Variants in ZBTB38 observed in about 807,000 individuals in gnomAD.
ZBTB38 encodes zinc finger and BTB domain containing 38, also known as zinc finger and BTB domain-containing protein 38.
In ZBTB38, 20 loss-of-function variants were observed where a neutral mutation model predicts 76.8. The ratio of observed to expected loss-of-function variants is 0.26; its 90% CI spans 0.18 to 0.38. ZBTB38 has a LOEUF of 0.38. Among genes scored for constraint, ZBTB38 ranks in the 10% least tolerant of loss-of-function variants. The probability of loss-of-function intolerance (pLI) is 1.00; values close to 1 mark genes in which losing one functional copy is unlikely to be tolerated. For missense variants in ZBTB38, 1,082 were observed against 1,482.3 expected, an observed-to-expected ratio of 0.73 and a Z score of 4.43; for synonymous variants, 504 against 544.2, an observed-to-expected ratio of 0.93 and a Z score of 1.03.
rs751006397 is a variant in ZBTB38 at position 141,444,616 on chromosome 3, C to T, written c.2228C>T (p.Ala743Val). ...GCCATGACCAGCAGCAACCACAGAGCCTTTTCAGACCCAGCTGTCAGTCAG... is the reference window on the plus strand; with the variant it reads ...GCCATGACCAGCAGCAACCACAGAGTCTTTTCAGACCCAGCTGTCAGTCAG... ...IAAMTSSNHR[A>V]FSDPAVSQSL... The change falls in exon 6 of 6, where the codon GCC becomes GTC. Residue 743 changes from alanine (A) to valine (V), a missense_variant. Ala to Val is a moderately conservative substitution (Grantham distance 64). Coordinates refer to ENST00000321464, the MANE Select transcript of ZBTB38 (RefSeq NM_001376113.1). The surrounding 1 kb of genome is among the most constrained non-coding windows in gnomAD (Gnocchi z 5.1). 1.3e-5 allele frequency: 21 copies of T among 1,614,034 alleles called. No individual in the cohort carries two copies. The highest frequency in any genetic ancestry group is 1.6e-5 in the Non-Finnish European group (19 of 1,180,026).
At chr3:141,378,416 T>C (rs142895604) in intron 2 of ZBTB38, among the ~76,000 whole-genome samples, 1 of 152,322 alleles carries the variant, frequency 6.6e-6, no homozygotes, top group African/African-American at 2.4e-5. Flanking sequence ...CATAAGACTG[T>C]ATCTGCGTTT....
chr3:141,379,069 G>T (rs141062871), intron 2 of ZBTB38, among the ~76,000 whole-genome samples: 1 of 152,162 alleles, frequency 6.6e-6, no homozygotes, highest in Non-Finnish European at 1.5e-5. Context: ...TTTTAACAGC[G>T]CTGCTGTCTC....
chr3:141,386,796 A>G (rs978369627), intron 3 of ZBTB38, 76 bp from the exon 4 acceptor site: 4 of 152,626 alleles, frequency 2.6e-5, no homozygotes, highest in Admixed American at 2.6e-4. Flanking sequence ...TTTGGAGTTT[A>G]CTAAACAGTG....
chr3:141,420,053 TTC>T (rs1297298007), intron 5 of ZBTB38, among the ~76,000 whole-genome samples: 3 of 152,134 alleles, frequency 2.0e-5, no homozygotes, highest in African/African-American at 4.8e-5. Context: ...TTTGTCTTTG[TTC>T]TGTGTTTGGG....
chr3:141,364,607 G>T (rs1391704253), upstream of ZBTB38, among the ~76,000 whole-genome samples: 4 of 147,492 alleles, frequency 2.7e-5, no homozygotes, highest in Admixed American at 2.0e-4. Flanking sequence ...AACCCGGGAG[G>T]TGGAAGTTGT....
At chr3:141,416,492 C>G (rs1577230679) in intron 5 of ZBTB38, among the ~76,000 whole-genome samples, 1 of 152,172 alleles carries the variant, frequency 6.6e-6, no homozygotes, top group African/African-American at 2.4e-5. Context: ...CTCTCTTCTT[C>G]CTCTTCCTAC....
chr3:141,444,285 T>C lies in ZBTB38; in HGVS notation c.1897T>C (p.Leu633=), dbSNP rs536665571. The change falls in exon 6 of 6, where the codon TTG becomes CTG. Residue 633 remains leucine, a synonymous_variant. Transcript: ENST00000321464. This position sits in a 1 kb window ranked among gnomAD's most constrained non-coding sequence, Gnocchi z 5.1. ...CCTGACCAACAGTCCAGCCATCCCATTGGAAACATCTGCATGTCAGGACAT... is the reference window on the plus strand; with the variant it reads ...CCTGACCAACAGTCCAGCCATCCCACTGGAAACATCTGCATGTCAGGACAT... The part of the protein sequence containing the change: ...NTLTNSPAIP[L]ETSACQDIPT... The C allele has an allele frequency of 2.5e-6, 4 of 1,614,192 alleles. No homozygotes were observed. In the African/African-American group the frequency reaches 5.3e-5, roughly 22 times the overall value.
At chr3:141,340,386 A>G (rs945426825) in intron 1 of ZBTB38, among the ~76,000 whole-genome samples, 2 of 152,230 alleles carry the variant, frequency 1.3e-5, no homozygotes, top group South Asian at 2.1e-4. Context: ...ATTGAATTCA[A>G]TAACTAATTA....
intron 5 of ZBTB38, among the ~76,000 whole-genome samples, chr3:141,416,636 G>A (rs74817616): frequency 0.027 from 4,122 of 152,300 alleles, 132 homozygotes; most frequent in Admixed American, 0.089. Context: ...CCCAGAACCC[G>A]TGAGTGTGAC....
upstream of ZBTB38, among the ~76,000 whole-genome samples, chr3:141,364,142 T>G (rs1367004950): frequency 6.6e-6 from 1 of 150,852 alleles, no homozygotes; most frequent in Admixed American, 6.6e-5. Flanking sequence ...AAAAAAAAAA[T>G]TAGGCCGAGT....
At chr3:141,370,228 G>T (rs1164284347) in intron 2 of ZBTB38, among the ~76,000 whole-genome samples, 2 of 152,182 alleles carry the variant, frequency 1.3e-5, no homozygotes, top group Non-Finnish European at 2.9e-5. Flanking sequence ...GGTAGAGAGG[G>T]GCTTTGCCTT....
At chr3:141,437,377 T>C (rs988547089) in intron 5 of ZBTB38, among the ~76,000 whole-genome samples, 1 of 152,148 alleles carries the variant, frequency 6.6e-6, no homozygotes, top group Non-Finnish European at 1.5e-5. Flanking sequence ...TCCCATACCT[T>C]TTCCCTGCAT....
chr3:141,332,788 A>G (rs1942890417), intron 1 of ZBTB38, among the ~76,000 whole-genome samples: 1 of 152,220 alleles, frequency 6.6e-6, no homozygotes, highest in African/African-American at 2.4e-5. Flanking sequence ...AAGTAACATT[A>G]GCTTAAGAAA....
rs1489419094 is a variant in ZBTB38, at chr3:141,446,404, A to AGCT, written c.*430_*432dup. On this transcript the variant is annotated 3_prime_UTR_variant, in exon 6 of 6. Transcript: ENST00000321464. ...TTCGTAAATATGTTACGTGGTAATA[A>AGCT]GCTGTGTGACGGTCTTTATTCCCAT... The AGCT allele has an allele frequency of 6.4e-6, 1 of 157,018 alleles. No homozygotes were observed. The highest frequency in any genetic ancestry group is 1.4e-5 in the Non-Finnish European group (1 of 70,902). 9.7% of individuals were successfully genotyped at this position (157,018 alleles called of 1,614,324 possible). A position where few individuals can be genotyped will look rare whatever the true frequency, so the allele number is the denominator to read the frequency against.
chr3:141,391,052 C>T (rs747782172), intron 4 of ZBTB38, among the ~76,000 whole-genome samples: 4 of 151,748 alleles, frequency 2.6e-5, no homozygotes, highest in African/African-American at 4.8e-5. Flanking sequence ...CCTAGCTATG[C>T]CGGAGGCTGA....
In ZBTB38 at chr3:141,449,330, G is replaced by T. The variant is rs912236690; in HGVS notation, c.*3354G>T. 24 of 152,332 alleles carry T rather than the reference G, an allele frequency of 1.6e-4. No homozygotes were observed. Among genetic ancestry groups the T allele is most frequent in the African/African-American group, 5.8e-4 (24 of 41,578 alleles). The allele number at this position is 152,332 out of a possible 1,614,324, so 9.4% of individuals were successfully genotyped here. On this transcript the variant is annotated 3_prime_UTR_variant, in exon 6 of 6. Coordinates refer to ENST00000321464, the MANE Select transcript of ZBTB38 (RefSeq NM_001376113.1). ...ATTAAAGGAGGCTGTGTCAGGTTCA[G>T]CTTCCCCTGAATTGGGCTTCCCTTA...
At chr3:141,325,419 G>A (rs1039978796) in intron 1 of ZBTB38, among the ~76,000 whole-genome samples, 5 of 152,138 alleles carry the variant, frequency 3.3e-5, no homozygotes, top group Non-Finnish European at 7.4e-5. Context: ...ACTGTTCATT[G>A]CAAAAGAACC....
chr3:141,412,150 A>G (rs1956883978), intron 5 of ZBTB38, among the ~76,000 whole-genome samples: 1 of 152,210 alleles, frequency 6.6e-6, no homozygotes, highest in Non-Finnish European at 1.5e-5. Flanking sequence ...CAGAGAGAAT[A>G]AGAAAAGTTC....
At position 141,347,446 on chromosome 3, in the gene ZBTB38, A is replaced by G. The variant is rs78934980; in HGVS notation, c.-738-21175A>G. ...ATGTACACATATATTTCTATAATAT[A>G]TAGTCTCTTAGCATATGTTTAACCT... On this transcript the variant is annotated intron_variant, in intron 1 of 7. Transcript: ENST00000509842. Among the ~76,000 whole-genome samples, 463 of 152,348 alleles carry G rather than the reference A, an allele frequency of 3.0e-3. 12 individuals are homozygous for G. The East Asian group carries it at 0.071, about 23-fold the overall frequency.
Sources: allele counts gnomAD v4.1 joint callset (sites outside exome capture counted in the v4.1 genomes callset), GRCh38; gene constraint gnomAD v4.1.1; non-coding constraint Gnocchi (gnomAD v3.1); transcripts MANE v1.5; gene names NCBI Gene and HGNC (gene_info 2026-07-23, HGNC 2026-07-21).